C3orf52: variants seen among roughly 807,000 people sequenced by gnomAD.
C3orf52 encodes chromosome 3 open reading frame 52.
In C3orf52, 22 loss-of-function variants were observed where a neutral mutation model predicts 24.8. The ratio of observed to expected loss-of-function variants is 0.89; its 90% CI spans 0.63 to 1.27. The LOEUF is 1.27. C3orf52 is among the 50% of genes most tolerant of loss of function. The pLI is 0.00. For synonymous variants in C3orf52, 93 were observed against 100.2 expected (o/e 0.93, Z 0.43); for missense variants, 265 against 260.7 (o/e 1.02, Z -0.11).
At chr3:112,134,969 G>C (rs1019404677), downstream of C3orf52, 8 of 154,956 alleles carry the variant, frequency 5.2e-5, no homozygotes, top group Non-Finnish European at 8.8e-5. Flanking sequence ...AGCAAAAGGT[G>C]GGGGAGGTGT....
chr3:112,100,707 T>G (rs2073965188), intron 2 of C3orf52, among the ~76,000 whole-genome samples: 1 of 152,180 alleles, frequency 6.6e-6, no homozygotes. Context: ...AGATACCCAT[T>G]GAAATATTAT....
chr3:112,105,163 A>T (rs2074011696), intron 3 of C3orf52, among the ~76,000 whole-genome samples: 1 of 152,222 alleles, frequency 6.6e-6, no homozygotes, highest in Admixed American at 6.5e-5. Context: ...TGGTGGGTCC[A>T]CAGATTTCTT....
chr3:112,113,214 G>C, intron 5 of C3orf52, 69 bp downstream of exon 5: 1 of 1,338,112 alleles, frequency 7.5e-7, no homozygotes, highest in Non-Finnish European at 1.0e-6. Flanking sequence ...GGTCAAATTG[G>C]CTTGGTTCGA....
chr3:112,119,486 G>A (rs549912674), downstream of C3orf52: 17 of 702,974 alleles, frequency 2.4e-5, no homozygotes, highest in South Asian at 1.2e-4. Flanking sequence ...GACTGAAGCC[G>A]AATCCTGAAG....
At chr3:112,119,630 G>A, downstream of C3orf52, 1 of 631,092 alleles carries the variant, frequency 1.6e-6, no homozygotes, top group South Asian at 1.8e-5. Context: ...TTCAGAGTCT[G>A]ATCAATGCTA....
intron 2 of C3orf52, among the ~76,000 whole-genome samples, chr3:112,099,327 CACAA>C (rs1261651277): frequency 6.6e-5 from 10 of 152,222 alleles, no homozygotes; most frequent in African/African-American, 1.9e-4. Flanking sequence ...TTCGGGGAGA[CACAA>C]ACATTCAGAC....
downstream of C3orf52, among the ~76,000 whole-genome samples, chr3:112,135,970 T>C (rs2074546965): frequency 6.6e-6 from 1 of 152,236 alleles, no homozygotes; most frequent in Non-Finnish European, 1.5e-5. Context: ...TCTCTCACTG[T>C]AGCTTTCGTT....
At chr3:112,096,737 C>T (rs905003345) in intron 2 of C3orf52, among the ~76,000 whole-genome samples, 4 of 152,036 alleles carry the variant, frequency 2.6e-5, no homozygotes, top group East Asian at 3.9e-4. Flanking sequence ...TTTTTTCACT[C>T]GAATTAAGAA....
downstream of C3orf52, chr3:112,130,618 C>G (rs2074430706): frequency 1.0e-6 from 1 of 1,001,610 alleles, no homozygotes; most frequent in Non-Finnish European, 1.6e-6. Flanking sequence ...TTGTGTGTAA[C>G]TCAGAAATTG....
intron 1 of C3orf52, among the ~76,000 whole-genome samples, chr3:112,090,181 G>T (rs374760879): frequency 6.6e-6 from 1 of 151,812 alleles, no homozygotes; most frequent in Admixed American, 6.6e-5. Context: ...ATCTCCGGGC[G>T]TTACTTCTAA....
chr3:112,117,166 C>T lies in C3orf52; in HGVS notation c.*520C>T, dbSNP rs2074142683. On this transcript the variant is annotated 3_prime_UTR_variant, in exon 6 of 6. Transcript: ENST00000264848. ...GGCAGCCAGGTTACGAAGACTAAGC[C>T]AATTATTCACTGAAGTCATCCTCCT... is the stretch of plus-strand genomic sequence containing the variant. 1.8e-6 allele frequency: 1 copy of T among 559,824 alleles called. No individual in the cohort carries two copies. Among genetic ancestry groups the T allele is most frequent in the African/African-American group, 1.9e-5 (1 of 53,554 alleles). 34.7% of individuals were successfully genotyped at this position (559,824 alleles called of 1,614,324 possible).
intron 2 of C3orf52, among the ~76,000 whole-genome samples, chr3:112,097,984 G>A (rs1001549492): frequency 2.6e-5 from 4 of 152,142 alleles, no homozygotes; most frequent in Non-Finnish European, 4.4e-5. Context: ...GCAAAAATTC[G>A]AAAAGTTCAA....
chr3:112,130,741 C>T, downstream of C3orf52: 1 of 556,228 alleles, frequency 1.8e-6, no homozygotes, highest in South Asian at 2.0e-5. Flanking sequence ...GTTCTCCAAC[C>T]TCCATGAACA....
At chr3:112,097,453 A>G (rs1163547555) in intron 2 of C3orf52, among the ~76,000 whole-genome samples, 1 of 152,160 alleles carries the variant, frequency 6.6e-6, no homozygotes, top group Non-Finnish European at 1.5e-5. Flanking sequence ...ACCTTTTATG[A>G]GTAGGAACGC....
Position 112,125,129 on chromosome 3 carries a change from G to A in C3orf52, c.*47-3104G>A, listed in dbSNP as rs912437705. 3 of 820,626 alleles carry A rather than the reference G, an allele frequency of 3.7e-6. No individual in the cohort carries two copies. The African/African-American group carries it at 5.0e-5, about 14-fold the overall frequency. The allele number at this position is 820,626 out of a possible 1,614,324, so 50.8% of individuals were successfully genotyped here. A position where few individuals can be genotyped will look rare whatever the true frequency, so the allele number is the denominator to read the frequency against. ...CATCTAAAGTCTTTCTCCATGTAAG[G>A]GTCAGAAGGGATCTCAGAGGCCAAC... is the stretch of plus-strand genomic sequence containing the variant. On this transcript the variant is annotated intron_variant, in intron 4 of 4. Coordinates refer to the C3orf52 transcript ENST00000480282.
chr3:112,104,714 T>C (rs1244956535), intron 3 of C3orf52, among the ~76,000 whole-genome samples: 2 of 152,158 alleles, frequency 1.3e-5, no homozygotes, highest in Admixed American at 1.3e-4. Context: ...TTGGTGGTGA[T>C]TTCTGAGATT....
downstream of C3orf52, chr3:112,120,958 C>T (rs973333803): frequency 1.3e-5 from 2 of 152,084 alleles, no homozygotes; most frequent in Non-Finnish European, 2.9e-5. Flanking sequence ...TTTTGACTGA[C>T]AAATCATAAT....
Position 112,106,664 on chromosome 3 carries a change from T to A in C3orf52, c.397-2879T>A, listed in dbSNP as rs549785398. On this transcript the variant is annotated intron_variant, in intron 3 of 5. Coordinates refer to ENST00000264848, the MANE Select transcript of C3orf52 (RefSeq NM_024616.3). ...GAACTGGGGCAGAGACTAAACAGTA[T>A]ACATATTGTTATTATATCACAGTAT... Among the ~76,000 whole-genome samples, 14 of 152,346 alleles carry A rather than the reference T, an allele frequency of 9.2e-5. No homozygotes were observed. In the East Asian group the frequency reaches 1.3e-3, roughly 15 times the overall value.
chr3:112,095,449 C>T (rs10511305), intron 2 of C3orf52, among the ~76,000 whole-genome samples: 2 of 152,182 alleles, frequency 1.3e-5, no homozygotes, highest in East Asian at 3.9e-4. Flanking sequence ...ATTCAGGATT[C>T]TAAAGCGCAA....
Sources: gnomAD v4.1 joint callset for allele counts (sites outside exome capture counted in the v4.1 genomes callset) on GRCh38, gnomAD v4.1.1 for gene constraint, MANE v1.5 for transcripts, NCBI Gene and HGNC (gene_info 2026-07-23, HGNC 2026-07-21) for gene names.